RTN4: variants seen among roughly 807,000 people sequenced by gnomAD.
RTN4 encodes reticulon-4.
A neutral mutation model predicts 90.4 loss-of-function variants in RTN4; 32 were observed. The observed-to-expected ratio is 0.35, with a 90% CI of 0.27 to 0.48. The LOEUF is 0.48. RTN4 is among the 20% of genes least tolerant of loss of function. The pLI, the probability that RTN4 is intolerant of heterozygous loss-of-function variation, is 0.99. For synonymous variants in RTN4, 629 were observed against 552.5 expected (o/e 1.14, Z -1.94); for missense variants, 1,706 against 1,430.2 (o/e 1.19, Z -3.11).
upstream of RTN4, among the ~76,000 whole-genome samples, chr2:55,114,528 G>A (rs1459347271): frequency 5.3e-5 from 8 of 152,198 alleles, no homozygotes; most frequent in East Asian, 1.9e-4. Context: ...GTGAAACCCC[G>A]TCGCTACTAA....
chr2:55,035,920 A>G (rs985803788), intron 1 of RTN4, among the ~76,000 whole-genome samples: 1 of 152,160 alleles, frequency 6.6e-6, no homozygotes. Context: ...GCATTCCTTG[A>G]AAGACACAAA....
At chr2:55,107,054 A>C (rs1667956083) in intron 1 of RTN4, among the ~76,000 whole-genome samples, 1 of 152,116 alleles carries the variant, frequency 6.6e-6, no homozygotes, top group South Asian at 2.1e-4. Context: ...TTCTGATGTT[A>C]ATAAAAACAA....
At chr2:55,086,718 C>T (rs1291836514) in intron 1 of RTN4, among the ~76,000 whole-genome samples, 1 of 151,990 alleles carries the variant, frequency 6.6e-6, no homozygotes, top group African/African-American at 2.4e-5. Flanking sequence ...ATCAGTATCT[C>T]AGAAGCCCTT....
intron 4 of RTN4, among the ~76,000 whole-genome samples, chr2:54,983,460 A>G (rs921069733): frequency 2.0e-5 from 3 of 152,200 alleles, no homozygotes; most frequent in African/African-American, 7.2e-5. Flanking sequence ...CCAACTCAGA[A>G]GTGCTGAGTG....
chr2:55,033,898 T>C (rs1158013744), intron 1 of RTN4, among the ~76,000 whole-genome samples: 1 of 152,228 alleles, frequency 6.6e-6, no homozygotes, highest in African/African-American at 2.4e-5. Context: ...TTACAATTCT[T>C]CTAGCTATTC....
chr2:55,019,440 G>A (rs983816364), intron 3 of RTN4, among the ~76,000 whole-genome samples: 3 of 152,108 alleles, frequency 2.0e-5, no homozygotes, highest in African/African-American at 7.2e-5. Context: ...GACAATATAA[G>A]GAAATCAGAG....
chr2:55,081,862 CAAAAA>C (rs71410421), intron 1 of RTN4, among the ~76,000 whole-genome samples: 1 of 105,440 alleles, frequency 9.5e-6, no homozygotes, highest in Non-Finnish European at 1.8e-5. Flanking sequence ...GACCCTGTCT[CAAAAA>C]AAAAAAAAAA....
At chr2:55,101,107 G>C (rs376877684) in intron 1 of RTN4, among the ~76,000 whole-genome samples, 1 of 151,754 alleles carries the variant, frequency 6.6e-6, no homozygotes, top group Non-Finnish European at 1.5e-5. Flanking sequence ...GCTCCAAACA[G>C]TTTGTATAGT....
chr2:55,016,022 G>A (rs1017548195), intron 3 of RTN4, among the ~76,000 whole-genome samples: 1 of 151,948 alleles, frequency 6.6e-6, no homozygotes, highest in African/African-American at 2.4e-5. Flanking sequence ...AAATAATTCA[G>A]GGATATGTAA....
intron 4 of RTN4, among the ~76,000 whole-genome samples, chr2:54,985,533 G>C (rs553827347): frequency 1.3e-5 from 2 of 152,146 alleles, no homozygotes; most frequent in Non-Finnish European, 2.9e-5. Context: ...ATAAAATGGA[G>C]TGATACCACC....
intron 1 of RTN4, among the ~76,000 whole-genome samples, chr2:55,039,726 C>T (rs1250567129): frequency 1.3e-5 from 2 of 152,138 alleles, no homozygotes; most frequent in Admixed American, 1.3e-4. Context: ...TTGCAGTGAG[C>T]CAAACTTACA....
chr2:55,119,562 T>C, the RTN4 span, among the ~76,000 whole-genome samples: 1 of 152,168 alleles, frequency 6.6e-6, no homozygotes, highest in Non-Finnish European at 1.5e-5. Context: ...ATGCCTTGGA[T>C]TTATAGAGCA....
At chr2:55,025,029 T>C (rs1681712879) in intron 3 of RTN4, 57 bp downstream of exon 3, 1 of 1,527,816 alleles carries the variant, frequency 6.5e-7, no homozygotes, top group Non-Finnish European at 8.8e-7. Flanking sequence ...TGTAGTGGAA[T>C]GTTCCCTAAA....
the RTN4 span, among the ~76,000 whole-genome samples, chr2:55,137,507 G>A: frequency 6.6e-6 from 1 of 152,140 alleles, no homozygotes; most frequent in African/African-American, 2.4e-5. Flanking sequence ...TGCAGGAAAT[G>A]GTGACTGACT....
At chr2:54,973,954 A>C in intron 6 of RTN4, 87 bp from the exon 7 acceptor site, 13 of 1,137,820 alleles carry the variant, frequency 1.1e-5, no homozygotes, top group Non-Finnish European at 1.5e-5. Context: ...CTGGCAACTC[A>C]AGATAACCAA....
chr2:55,070,902 G>A (rs532743598), intron 2 of RTN4, among the ~76,000 whole-genome samples: 1 of 151,636 alleles, frequency 6.6e-6, no homozygotes, highest in African/African-American at 2.4e-5. Context: ...TCAGCCTCCC[G>A]AGTAGCTGGG....
chr2:55,010,185 C>T, intron 3 of RTN4: 1 of 1,609,006 alleles, frequency 6.2e-7, no homozygotes, highest in African/African-American at 1.3e-5. Context: ...AAAGCTGTAA[C>T]TGCACAAACC....
At chr2:54,980,557 C>T (rs3198123) in intron 5 of RTN4, among the ~76,000 whole-genome samples, 40,411 of 152,124 alleles carry the variant, frequency 0.27, 5,555 homozygotes, top group Non-Finnish European at 0.29. Context: ...GCTGCCTTCA[C>T]TGCTATACTG....
intron 3 of RTN4, among the ~76,000 whole-genome samples, chr2:55,013,760 A>T (rs1335021184): frequency 6.6e-6 from 1 of 151,824 alleles, no homozygotes; most frequent in Non-Finnish European, 1.5e-5. Context: ...TTCCTTTTCC[A>T]TTTCTTTCTT....
Sources: gnomAD v4.1 joint callset for allele counts (sites outside exome capture counted in the v4.1 genomes callset) on GRCh38, gnomAD v4.1.1 for gene constraint, MANE v1.5 for transcripts, NCBI Gene and HGNC (gene_info 2026-07-23, HGNC 2026-07-21) for gene names.